DSCAML1: variants seen among roughly 807,000 people sequenced by gnomAD.
DSCAML1 encodes cell adhesion molecule DSCAML1.
In DSCAML1, 38 loss-of-function variants were observed where a neutral mutation model predicts 200.5. That is an observed-to-expected ratio of 0.19 (90% CI 0.15 to 0.25). The LOEUF (loss-of-function observed/expected upper bound fraction) is 0.25. Ranked by LOEUF, DSCAML1 falls within the 10% of genes least tolerant of loss-of-function variation. The pLI is 1.00. For synonymous variants in DSCAML1, 1,215 were observed against 1,165.0 expected (o/e 1.04, Z -0.87); for missense variants, 2,223 against 2,858.8 (o/e 0.78, Z 5.07).
At chr11:117,672,187 G>T (rs972519566) in intron 3 of DSCAML1, among the ~76,000 whole-genome samples, 1 of 151,734 alleles carries the variant, frequency 6.6e-6, no homozygotes, top group Admixed American at 6.6e-5. Flanking sequence ...ACCAGAGCTC[G>T]GGAGGTTGGA....
intron 20 of DSCAML1, among the ~76,000 whole-genome samples, chr11:117,444,280 TTAAC>T (rs2048131802): frequency 1.3e-5 from 2 of 152,216 alleles, no homozygotes; most frequent in South Asian, 4.1e-4. Flanking sequence ...GTTTACCTCT[TTAAC>T]TGATCCACGC....
At chr11:117,436,397 C>G (rs1425950947) in intron 26 of DSCAML1, among the ~76,000 whole-genome samples, 3 of 152,166 alleles carry the variant, frequency 2.0e-5, no homozygotes, top group East Asian at 1.9e-4. Context: ...CTTCATGAAG[C>G]CTTCCTTGCT....
In DSCAML1 at chr11:117,586,825, A is replaced by AG. The variant is rs1197952244; in HGVS notation, c.512-54304dup. ...CTGGAGGAAGAACCACTTCTCTCCC[A>AG]GGGTGTTAGTGATTGCTGAGTCCAG... is the stretch of plus-strand genomic sequence containing the variant. On this transcript the variant is annotated intron_variant, in intron 3 of 32. Transcript: ENST00000651296. 6.6e-5 allele frequency among the ~76,000 whole-genome samples: 10 copies of AG among 152,198 alleles called. No homozygotes were observed. The East Asian group carries it at 1.9e-3, about 29-fold the overall frequency.
chr11:117,463,241 G>A lies in DSCAML1; in HGVS notation c.3266-1645C>T, dbSNP rs1174564666. The stretch of plus-strand genomic sequence containing the variant: ...TTTTCTGGATAGATGGTTCTAGATG[G>A]TTTAATCTCCTTGAGCCTTGGCCTC... On this transcript the variant is annotated intron_variant, in intron 17 of 32. Coordinates refer to ENST00000651296, the MANE Select transcript of DSCAML1 (RefSeq NM_020693.4). This position sits in a 1 kb window ranked among gnomAD's most constrained non-coding sequence, Gnocchi z 4.0. Among the ~76,000 whole-genome samples, 2 of 152,212 alleles carry A rather than the reference G, an allele frequency of 1.3e-5. No homozygotes were observed. Among genetic ancestry groups the A allele is most frequent in the Admixed American group, 6.5e-5 (1 of 15,276 alleles).
intron 3 of DSCAML1, among the ~76,000 whole-genome samples, chr11:117,761,599 G>A (rs549678607): frequency 2.0e-5 from 3 of 152,248 alleles, no homozygotes; most frequent in South Asian, 2.1e-4. Flanking sequence ...GGCTGGGCAC[G>A]GTGGCTCATG....
intron 3 of DSCAML1, among the ~76,000 whole-genome samples, chr11:117,584,342 T>A (rs952630981): frequency 1.6e-4 from 25 of 152,188 alleles, no homozygotes; most frequent in Non-Finnish European, 2.4e-4. Context: ...CAGTCCTTCC[T>A]ATCAGCTTCT....
Position 117,741,045 on chromosome 11 carries a change from G to A in DSCAML1, c.511+35746C>T, listed in dbSNP as rs544023163. Among the ~76,000 whole-genome samples the A allele has an allele frequency of 2.6e-5, 4 of 152,362 alleles. No homozygotes were observed. In the South Asian group the frequency reaches 8.3e-4, roughly 32 times the overall value. Reference sequence around the variant, plus strand: ...ATTACCTGGCAACTACCAATGTGGGGTACATTTTCTTTGTTTTCTTATTTA... The same window carrying A: ...ATTACCTGGCAACTACCAATGTGGGATACATTTTCTTTGTTTTCTTATTTA... On this transcript the variant is annotated intron_variant, in intron 3 of 32. Transcript: ENST00000651296.
chr11:117,764,640 A>T (rs2054859935), intron 3 of DSCAML1, among the ~76,000 whole-genome samples: 1 of 152,258 alleles, frequency 6.6e-6, no homozygotes, highest in Non-Finnish European at 1.5e-5. Context: ...TGGCTGGCAC[A>T]GCTACAGGCT....
intron 3 of DSCAML1, among the ~76,000 whole-genome samples, chr11:117,762,265 C>T (rs769798571): frequency 2.2e-4 from 34 of 152,054 alleles, no homozygotes; most frequent in Non-Finnish European, 4.1e-4. Flanking sequence ...GTCTGCCGGT[C>T]GGGCCAAGTG....
At chr11:117,430,456 C>G (rs749980276) in intron 32 of DSCAML1, among the ~76,000 whole-genome samples, 1 of 152,222 alleles carries the variant, frequency 6.6e-6, no homozygotes. Flanking sequence ...TAGATACTAT[C>G]GTTGGCATTT....
chr11:117,764,214 T>G (rs1033289180), intron 3 of DSCAML1, among the ~76,000 whole-genome samples: 5 of 152,176 alleles, frequency 3.3e-5, no homozygotes, highest in Non-Finnish European at 7.3e-5. Flanking sequence ...GCGTCTTTCT[T>G]AGGTCCCTGC....
At chr11:117,641,158 C>T (rs530428314) in intron 3 of DSCAML1, among the ~76,000 whole-genome samples, 6 of 152,348 alleles carry the variant, frequency 3.9e-5, no homozygotes, top group South Asian at 2.1e-4. Flanking sequence ...CAGCCAAGTA[C>T]GCTGGGTCTG....
chr11:117,495,250 G>A lies in DSCAML1; in HGVS notation c.2359+8595C>T, dbSNP rs73579884. 2.0e-3 allele frequency among the ~76,000 whole-genome samples: 312 copies of A among 152,290 alleles called. 2 individuals are homozygous for A. Among genetic ancestry groups the A allele is most frequent in the African/African-American group, 7.3e-3 (305 of 41,554 alleles). On this transcript the variant is annotated intron_variant, in intron 11 of 32. Coordinates refer to ENST00000651296, the MANE Select transcript of DSCAML1 (RefSeq NM_020693.4). ...CCCAGCTGGCGGTAGGCAGGCAGGTGCAGGAGTGTGCAAAGACCAAGCCCA... is the reference window on the plus strand; with the variant it reads ...CCCAGCTGGCGGTAGGCAGGCAGGTACAGGAGTGTGCAAAGACCAAGCCCA...
intron 3 of DSCAML1, among the ~76,000 whole-genome samples, chr11:117,694,643 G>C (rs2053557666): frequency 6.6e-6 from 1 of 152,178 alleles, no homozygotes; most frequent in South Asian, 2.1e-4. Flanking sequence ...ATCTAGCCAA[G>C]GAGGTGTACA....
In DSCAML1 at chr11:117,780,217, GA is replaced by G. The variant is rs1207881071; in HGVS notation, c.364+275del. On this transcript the variant is annotated intron_variant, in intron 2 of 32. Coordinates refer to ENST00000651296, the MANE Select transcript of DSCAML1 (RefSeq NM_020693.4). This position sits in a 1 kb window ranked among gnomAD's most constrained non-coding sequence, Gnocchi z 4.8. ...AAAGAAAGAGAAAGAAAGAGAGAGA[GA>G]GAAAGAAAGAAAGGAAAGAAAGAAA... is the stretch of plus-strand genomic sequence containing the variant. 1.4e-3 allele frequency among the ~76,000 whole-genome samples: 111 copies of G among 76,990 alleles called. No homozygotes were observed. The highest frequency in any genetic ancestry group is 5.0e-3 in the African/African-American group (101 of 20,286). The allele number at this position is 76,990 out of a possible 152,430, so 50.5% of individuals were successfully genotyped here.
chr11:117,699,541 G>A (rs914966782), intron 3 of DSCAML1, among the ~76,000 whole-genome samples: 8 of 152,188 alleles, frequency 5.3e-5, no homozygotes, highest in Admixed American at 3.3e-4. Context: ...CCCTGCCAGG[G>A]AGAAGAGCTG....
At chr11:117,544,914 G>T (rs1208411343) in intron 3 of DSCAML1, among the ~76,000 whole-genome samples, 4 of 152,158 alleles carry the variant, frequency 2.6e-5, no homozygotes, top group African/African-American at 7.2e-5. Flanking sequence ...TGAGGGTGGG[G>T]TCCTGACTGA....
At chr11:117,724,223 A>G (rs531963029) in intron 3 of DSCAML1, among the ~76,000 whole-genome samples, 73 of 152,296 alleles carry the variant, frequency 4.8e-4, no homozygotes, top group Non-Finnish European at 6.3e-4. Flanking sequence ...GAGAATGTCA[A>G]TCACTCAGGG....
intron 3 of DSCAML1, among the ~76,000 whole-genome samples, chr11:117,671,564 CCTAA>C (rs1237887880): frequency 5.3e-5 from 8 of 152,150 alleles, no homozygotes; most frequent in South Asian, 2.1e-4. Context: ...CCAAATGCAG[CCTAA>C]CTGTCTCAGA....
Sources: allele counts gnomAD v4.1 joint callset (sites outside exome capture counted in the v4.1 genomes callset), GRCh38; gene constraint gnomAD v4.1.1; non-coding constraint Gnocchi (gnomAD v3.1); transcripts MANE v1.5; gene names NCBI Gene and HGNC (gene_info 2026-07-23, HGNC 2026-07-21).